GNL1: variants seen among roughly 807,000 people sequenced by gnomAD.
GNL1 encodes G protein nucleolar 1, also known as guanine nucleotide-binding protein-like 1.
Under a neutral mutation model 75.2 loss-of-function variants are expected in GNL1, and 21 were observed. The ratio of observed to expected loss-of-function variants is 0.28; its 90% CI spans 0.20 to 0.40. The LOEUF (loss-of-function observed/expected upper bound fraction) is 0.40, where lower values mean the gene tolerates loss of function less well. GNL1 is among the 10% of genes least tolerant of loss of function. The pLI, the probability that GNL1 is intolerant of heterozygous loss-of-function variation, is 1.00. For missense variants in GNL1, 579 were observed against 775.0 expected (o/e 0.75, Z 3.00); for synonymous variants, 287 against 303.4 (o/e 0.95, Z 0.56).
Position 30,555,549 on chromosome 6 carries a change from C to T in GNL1, c.239+6G>A, listed in dbSNP as rs2127381670. The T allele has an allele frequency of 6.2e-7, 1 of 1,611,362 alleles. No individual in the cohort carries two copies. The highest frequency in any genetic ancestry group is 8.5e-7 in the Non-Finnish European group (1 of 1,178,234). On this transcript the variant is annotated splice_donor_region_variant and intron_variant, in intron 2 of 11. Transcript: ENST00000376621. The surrounding 1 kb of genome is among the most constrained non-coding windows in gnomAD (Gnocchi z 4.3). The stretch of plus-strand genomic sequence containing the variant: ...AGCCGGGACCAGCGCCCCCTCCCAC[C>T]CTCACCGATTTGGGTCGTAGCCTCG...
chr6:30,547,443 C>T lies in GNL1; in HGVS notation c.1187G>A (p.Arg396Gln), dbSNP rs777112198. ...GGTAAGAAAGTAGGTCTGAAAGTAT[C>T]GGGTATGGCCCGGGGTTCTGGAGAC... ...VSVSRTPGHT[R>Q]YFQTYFLTPS... is the part of the protein sequence containing the mutation. The change falls in exon 9 of 12, where the codon CGA becomes CAA. Residue 396 changes from arginine (R) to glutamine (Q), a missense_variant. Transcript: ENST00000376621. The surrounding 1 kb of genome is among the most constrained non-coding windows in gnomAD (Gnocchi z 5.5). The T allele has an allele frequency of 1.9e-6, 3 of 1,613,862 alleles. No individual in the cohort carries two copies. The highest frequency in any genetic ancestry group is 2.2e-5 in the South Asian group (2 of 91,070).
Position 30,555,965 on chromosome 6 carries a change from CCTTCCAGATGTAGGGGGGGTGGG to C in GNL1, c.73+143_73+165del. ...CCCCAACTCTCCATCCTTCCCCACC[CCTTCCAGATGTAGGGGGGGTGGG>C]GGATCCCCTCCGCGATAGGCCGCGA... On this transcript the variant is annotated intron_variant, in intron 1 of 11. Transcript: ENST00000376621. The surrounding 1 kb of genome is among the most constrained non-coding windows in gnomAD (Gnocchi z 4.3). 2 of 911,744 alleles carry C rather than the reference CCTTCCAGATGTAGGGGGGGTGGG, an allele frequency of 2.2e-6. No homozygotes were observed. The allele number at this position is 911,744 out of a possible 1,614,324, so 56.5% of individuals were successfully genotyped here. A position where few individuals can be genotyped will look rare whatever the true frequency, so the allele number is the denominator to read the frequency against.
At chr6:30,554,497 C>T (rs1800007439) in intron 5 of GNL1, 78 bp downstream of exon 5, 2 of 836,194 alleles carry the variant, frequency 2.4e-6, no homozygotes, top group Admixed American at 1.7e-5. Flanking sequence ...CTCTCTGTCT[C>T]CCAACTCTTG....
At position 30,555,111 on chromosome 6, in the gene GNL1, G is replaced by T. The variant is rs1354835164; in HGVS notation, c.320C>A (p.Pro107Gln). 1 of 1,612,874 alleles carries T rather than the reference G, an allele frequency of 6.2e-7. No homozygotes were observed. The highest frequency in any genetic ancestry group is 2.2e-5 in the East Asian group (1 of 44,884). The change falls in exon 3 of 12, where the codon CCG becomes CAG. Residue 107 changes from proline (P) to glutamine (Q), a missense_variant. Physicochemically the swap from Pro to Gln is moderately conservative, Grantham distance 76 (BLOSUM62 -1). Coordinates refer to ENST00000376621, the MANE Select transcript of GNL1 (RefSeq NM_005275.5). This position sits in a 1 kb window ranked among gnomAD's most constrained non-coding sequence, Gnocchi z 4.3. Reference sequence around the variant, plus strand: ...CAGCTCCAACAACTCAGCACTGACCGGCTGTAGAACTTGCTCCCGGGCTGC... The same window carrying T: ...CAGCTCCAACAACTCAGCACTGACCTGCTGTAGAACTTGCTCCCGGGCTGC... ...KRAAREQVLQ[P>Q]VSAELLELDI...
chr6:30,555,459 G>T lies in GNL1; in HGVS notation c.239+96C>A. ...CTAGCGGAGAACTGTGGCATCCCAG[G>T]CCCACCGTCTTCACCAGTAGCAGCC... On this transcript the variant is annotated intron_variant, in intron 2 of 11. Coordinates refer to ENST00000376621, the MANE Select transcript of GNL1 (RefSeq NM_005275.5). The surrounding 1 kb of genome is among the most constrained non-coding windows in gnomAD (Gnocchi z 4.3). 8.0e-7 allele frequency: 1 copy of T among 1,254,056 alleles called. No individual in the cohort carries two copies. Among genetic ancestry groups the T allele is most frequent in the Non-Finnish European group, 1.1e-6 (1 of 889,596 alleles). The allele number at this position is 1,254,056 out of a possible 1,614,324, so 77.7% of individuals were successfully genotyped here.
Position 30,546,590 on chromosome 6 carries a change from G to A in GNL1, c.1582+106C>T, listed in dbSNP as rs1799467831. The stretch of plus-strand genomic sequence containing the variant: ...TCACAGATGTTAAGTAACAGAGCTA[G>A]CCAACAGGTACAGAATCCAGGTTTG... On this transcript the variant is annotated intron_variant, in intron 11 of 11. Coordinates refer to ENST00000376621, the MANE Select transcript of GNL1 (RefSeq NM_005275.5). This position sits in a 1 kb window ranked among gnomAD's most constrained non-coding sequence, Gnocchi z 5.1. 1.7e-5 allele frequency: 16 copies of A among 917,004 alleles called. No individual in the cohort carries two copies. The highest frequency in any genetic ancestry group is 2.7e-5 in the Non-Finnish European group (16 of 589,000). 56.8% of individuals were successfully genotyped at this position (917,004 alleles called of 1,614,324 possible).
Position 30,546,988 on chromosome 6 carries a change from C to A in GNL1, c.1441+124G>T. 9.0e-7 allele frequency: 1 copy of A among 1,111,928 alleles called. No homozygotes were observed. 68.9% of individuals were successfully genotyped at this position (1,111,928 alleles called of 1,614,324 possible). On this transcript the variant is annotated intron_variant, in intron 10 of 11. Coordinates refer to ENST00000376621, the MANE Select transcript of GNL1 (RefSeq NM_005275.5). This position sits in a 1 kb window ranked among gnomAD's most constrained non-coding sequence, Gnocchi z 5.1. ...CAACAAAAATCTAGGGGTGAGTGGA[C>A]AGCAGCTTCATCAATGGCAGAATCT...
chr6:30,555,815 ACTT>A lies in GNL1; in HGVS notation c.74-98_74-96del, dbSNP rs1800130405. On this transcript the variant is annotated intron_variant, in intron 1 of 11. Transcript: ENST00000376621. The surrounding 1 kb of genome is among the most constrained non-coding windows in gnomAD (Gnocchi z 4.3). ...GCCTGACTCCCTTTCATCCCACTCA[ACTT>A]CTTCCGATGTTCAGTCCTCCCAGAC... 2.3e-6 allele frequency: 3 copies of A among 1,291,578 alleles called. No individual in the cohort carries two copies. 80.0% of individuals were successfully genotyped at this position (1,291,578 alleles called of 1,614,324 possible).
chr6:30,548,900 A>G lies in GNL1; in HGVS notation c.1100-1370T>C, dbSNP rs1799598568. ...TTCCTGCTATCTTCTTTGTAACTGT[A>G]AACTACAACATACAAAAAAATGCAC... is the stretch of plus-strand genomic sequence containing the variant. On this transcript the variant is annotated intron_variant, in intron 8 of 11. Transcript: ENST00000376621. The surrounding 1 kb of genome is among the most constrained non-coding windows in gnomAD (Gnocchi z 4.2). Among the ~76,000 whole-genome samples the G allele has an allele frequency of 6.6e-6, 1 of 152,204 alleles. No homozygotes were observed. The highest frequency in any genetic ancestry group is 1.5e-5 in the Non-Finnish European group (1 of 68,028).
intron 8 of GNL1, among the ~76,000 whole-genome samples, chr6:30,549,129 C>G (rs1376390266): frequency 6.6e-6 from 1 of 152,118 alleles, no homozygotes; most frequent in Non-Finnish European, 1.5e-5. Flanking sequence ...TCCTGAGTAG[C>G]TGAGACCACA....
In GNL1 at chr6:30,546,140, T is replaced by C. The variant is rs778090797; in HGVS notation, c.1756A>G (p.Thr586Ala). 6 of 1,569,640 alleles carry C rather than the reference T, an allele frequency of 3.8e-6. No individual in the cohort carries two copies. Among genetic ancestry groups the C allele is most frequent in the Non-Finnish European group, 5.2e-6 (6 of 1,157,352 alleles). ...GCCAGGCTGGACCCTGGAGCCGAGGTTGGGGTCTCCTCATCCCCTTCTCCC... is the reference window on the plus strand; with the variant it reads ...GCCAGGCTGGACCCTGGAGCCGAGGCTGGGGTCTCCTCATCCCCTTCTCCC... ...EEGEGDEETP[T>A]SAPGSSLAGR... is the part of the protein sequence containing the mutation. Residue 586 changes from threonine (T) to alanine (A), a missense_variant, in exon 12 of 12, where the codon ACC becomes GCC. Coordinates refer to ENST00000376621, the MANE Select transcript of GNL1 (RefSeq NM_005275.5). The surrounding 1 kb of genome is among the most constrained non-coding windows in gnomAD (Gnocchi z 5.1).
In GNL1 at chr6:30,547,088, C is replaced by G. The variant is rs374081098; in HGVS notation, c.1441+24G>C. Reference sequence around the variant, plus strand: ...GAAGAGCAGCTGAAACCAGGTGGGGCGAAGCCAGGCACATGGAACTCACCT... The same window carrying G: ...GAAGAGCAGCTGAAACCAGGTGGGGGGAAGCCAGGCACATGGAACTCACCT... On this transcript the variant is annotated intron_variant, in intron 10 of 11. Transcript: ENST00000376621. The surrounding 1 kb of genome is among the most constrained non-coding windows in gnomAD (Gnocchi z 5.5). 6.2e-7 allele frequency: 1 copy of G among 1,603,068 alleles called. No homozygotes were observed. Among genetic ancestry groups the G allele is most frequent in the Non-Finnish European group, 8.5e-7 (1 of 1,172,620 alleles).
rs768340605 is a variant in GNL1, at chr6:30,543,188, TTG to T, written c.*2882_*2883del. On this transcript the variant is annotated 3_prime_UTR_variant, in exon 12 of 12. Coordinates refer to ENST00000376621, the MANE Select transcript of GNL1 (RefSeq NM_005275.5). ...TTCTTTACCACAGACTACTGATTTT[TTG>T]TGTTTGTTTTGTTTTGGCAGTCTGA... is the stretch of plus-strand genomic sequence containing the variant. 3.3e-5 allele frequency: 5 copies of T among 152,348 alleles called. No homozygotes were observed. Among genetic ancestry groups the T allele is most frequent in the Non-Finnish European group, 5.9e-5 (4 of 68,058 alleles). The allele number at this position is 152,348 out of a possible 1,614,324, so 9.4% of individuals were successfully genotyped here.
In GNL1 at chr6:30,552,144, G is replaced by A. The variant is rs926833583; in HGVS notation, c.1099+323C>T. Reference sequence around the variant, plus strand: ...CTCCCAAAGCGCTGGGACTATATAGGCATGAGCCCTCACACATGGCCGTCA... The same window carrying A: ...CTCCCAAAGCGCTGGGACTATATAGACATGAGCCCTCACACATGGCCGTCA... On this transcript the variant is annotated intron_variant, in intron 8 of 11. Transcript: ENST00000376621. The surrounding 1 kb of genome is among the most constrained non-coding windows in gnomAD (Gnocchi z 4.5). 1.2e-5 allele frequency: 4 copies of A among 343,616 alleles called. No individual in the cohort carries two copies. The highest frequency in any genetic ancestry group is 9.5e-5 in the East Asian group (2 of 20,992). 21.3% of individuals were successfully genotyped at this position (343,616 alleles called of 1,614,324 possible).
At chr6:30,553,219 A>C (rs781133892) in intron 6 of GNL1, 40 bp from the exon 7 acceptor site, 13 of 1,504,660 alleles carry the variant, frequency 8.6e-6, no homozygotes, top group Non-Finnish European at 1.2e-5. Flanking sequence ...ACACGGGCTT[A>C]GGCCTCTCAT....
rs1171858889 is a variant in GNL1 at position 30,547,716 on chromosome 6, C to A, written c.1100-186G>T. On this transcript the variant is annotated intron_variant, in intron 8 of 11. Transcript: ENST00000376621. This position sits in a 1 kb window ranked among gnomAD's most constrained non-coding sequence, Gnocchi z 5.5. ...CTTCCACTTACCAGCTTTGTGATGT[C>A]AGGGCAACTAACTTTCTGAGCCTCT... 2 of 583,796 alleles carry A rather than the reference C, an allele frequency of 3.4e-6. No homozygotes were observed. Among genetic ancestry groups the A allele is most frequent in the African/African-American group, 1.9e-5 (1 of 52,100 alleles). 36.2% of individuals were successfully genotyped at this position (583,796 alleles called of 1,614,324 possible).
rs762372127 is a variant in GNL1, at chr6:30,556,089, G to C, written c.73+42C>G. On this transcript the variant is annotated intron_variant, in intron 1 of 11. Coordinates refer to ENST00000376621, the MANE Select transcript of GNL1 (RefSeq NM_005275.5). This position sits in a 1 kb window ranked among gnomAD's most constrained non-coding sequence, Gnocchi z 5.7. ...GGCACACCCCTCCTTCCAGATGTGC[G>C]GAAGCCCGAGCCCCGCCCCCTCCTC... 1 of 1,592,094 alleles carries C rather than the reference G, an allele frequency of 6.3e-7. No homozygotes were observed. Among genetic ancestry groups the C allele is most frequent in the Non-Finnish European group, 8.5e-7 (1 of 1,172,574 alleles).
rs759779412 is a variant in GNL1 at position 30,552,706 on chromosome 6, C to T, written c.905-45G>A. On this transcript the variant is annotated intron_variant, in intron 7 of 11. Transcript: ENST00000376621. This position sits in a 1 kb window ranked among gnomAD's most constrained non-coding sequence, Gnocchi z 4.5. ...ATTAAAGAGGTTCTCCCCAGGGCTG[C>T]TGTGCATGATGGCACATACTGTGCC... 3.2e-6 allele frequency: 5 copies of T among 1,554,168 alleles called. No individual in the cohort carries two copies. In the Admixed American group the frequency reaches 5.2e-5, roughly 16 times the overall value.
rs537525876 is a variant in GNL1, at chr6:30,556,268, G to A, written c.-65C>T. On this transcript the variant is annotated 5_prime_UTR_variant, in exon 1 of 12. Transcript: ENST00000376621. This position sits in a 1 kb window ranked among gnomAD's most constrained non-coding sequence, Gnocchi z 5.7. ...CCGCCGCCTCAACTGACTGCCCCCC[G>A]GGGCAGCCCCCGCCGCAGGGGCCCG... The A allele has an allele frequency of 7.6e-4, 1,192 of 1,563,858 alleles. 1 individual carries two copies. Among genetic ancestry groups the A allele is most frequent in the Non-Finnish European group, 8.7e-4 (1,008 of 1,161,676 alleles).
Sources: allele counts gnomAD v4.1 joint callset (sites outside exome capture counted in the v4.1 genomes callset), GRCh38; gene constraint gnomAD v4.1.1; non-coding constraint Gnocchi (gnomAD v3.1); transcripts MANE v1.5; gene names NCBI Gene and HGNC (gene_info 2026-07-23, HGNC 2026-07-21).